Variants in CKMT2 observed in about 807,000 individuals in gnomAD.
CKMT2 encodes creatine kinase S-type, mitochondrial.
CKMT2 carries 43 observed loss-of-function variants against 48.9 expected under a neutral mutation model. The observed-to-expected ratio is 0.88, with a 90% CI of 0.69 to 1.13. The LOEUF (loss-of-function observed/expected upper bound fraction) is 1.13, where lower values mean the gene tolerates loss of function less well. CKMT2 is among the 50% of genes most tolerant of loss of function. The pLI, the probability that CKMT2 is intolerant of heterozygous loss-of-function variation, is 0.00. For synonymous variants in CKMT2, 206 were observed against 213.0 expected, an observed-to-expected ratio of 0.97 and a Z score of 0.29; for missense variants, 472 against 555.4, an observed-to-expected ratio of 0.85 and a Z score of 1.51.
rs182375301 is a variant in CKMT2 at position 81,254,229 on chromosome 5, A to G, written c.352-167A>G. On this transcript the variant is annotated intron_variant, in intron 3 of 9. Coordinates refer to ENST00000254035, the MANE Select transcript of CKMT2 (RefSeq NM_001099735.2). ...TCTTGTTGTTGTTGTTGTTGTTGTT[A>G]TTAACCAATCCATTCTCACATCCAT... Among the ~76,000 whole-genome samples the G allele has an allele frequency of 1.1e-4, 16 of 151,984 alleles. No individual in the cohort carries two copies. In the East Asian group the frequency reaches 1.2e-3, roughly 11 times the overall value.
chr5:81,249,197 G>A (rs754945510), intron 1 of CKMT2, among the ~76,000 whole-genome samples: 37 of 151,944 alleles, frequency 2.4e-4, no homozygotes, highest in Non-Finnish European at 4.7e-4. Flanking sequence ...TACACTACAG[G>A]TGCATGCCAC....
intron 8 of CKMT2, among the ~76,000 whole-genome samples, chr5:81,261,132 T>C (rs1414023886): frequency 6.6e-6 from 1 of 152,312 alleles, no homozygotes; most frequent in South Asian, 2.1e-4. Flanking sequence ...ATTATCTCAA[T>C]AGATGCAGAA....
chr5:81,248,199 A>T (rs1456921994), intron 1 of CKMT2, among the ~76,000 whole-genome samples: 1 of 152,220 alleles, frequency 6.6e-6, no homozygotes, highest in Non-Finnish European at 1.5e-5. Flanking sequence ...ATCAGTGCAT[A>T]GGCAATTTAA....
intron 3 of CKMT2, 48 bp downstream of exon 3, chr5:81,252,941 A>G: frequency 6.3e-7 from 1 of 1,596,210 alleles, no homozygotes; most frequent in Non-Finnish European, 8.6e-7. Context: ...TGCTCTGGAT[A>G]TGACTGACTT....
chr5:81,266,104 T>A lies in CKMT2; in HGVS notation c.1141-35T>A, dbSNP rs367898473. ...AATCAATGCCCTGCAGATGCTTCTA[T>A]TCAAATTAATCATTCATCTTCTTCA... is the stretch of plus-strand genomic sequence containing the variant. On this transcript the variant is annotated intron_variant, in intron 9 of 9. Coordinates refer to ENST00000254035, the MANE Select transcript of CKMT2 (RefSeq NM_001099735.2). The A allele has an allele frequency of 1.9e-6, 3 of 1,605,914 alleles. No individual in the cohort carries two copies. The East Asian group carries it at 6.7e-5, about 36-fold the overall frequency.
At chr5:81,252,987 C>A in intron 3 of CKMT2, 94 bp downstream of exon 3, 3 of 1,337,346 alleles carry the variant, frequency 2.2e-6, no homozygotes, top group Non-Finnish European at 3.2e-6. Context: ...TCTATGGGGC[C>A]AACTTTCTGC....
intron 1 of CKMT2, among the ~76,000 whole-genome samples, chr5:81,237,178 A>C (rs1217220458): frequency 6.6e-6 from 1 of 152,206 alleles, no homozygotes. Context: ...AATGCGAAAA[A>C]TGTAAGTTAA....
chr5:81,254,908 G>A, intron 4 of CKMT2, 85 bp from the exon 5 acceptor site: 1 of 1,113,980 alleles, frequency 9.0e-7, no homozygotes, highest in Non-Finnish European at 1.4e-6. Context: ...CAGGGAAACT[G>A]CAGATTGGCG....
At chr5:81,245,916 A>G (rs1756593465) in intron 1 of CKMT2, among the ~76,000 whole-genome samples, 1 of 152,140 alleles carries the variant, frequency 6.6e-6, no homozygotes, top group South Asian at 2.1e-4. Flanking sequence ...CCAACTGTAG[A>G]CCAGAAATCT....
chr5:81,252,235 A>G (rs2112805143), intron 2 of CKMT2: 1 of 182,920 alleles, frequency 5.5e-6, no homozygotes, highest in East Asian at 1.6e-4. Flanking sequence ...AGAGACAAGG[A>G]AAACCACTGA....
At chr5:81,240,368 G>A (rs1320563143) in intron 1 of CKMT2, among the ~76,000 whole-genome samples, 2 of 152,238 alleles carry the variant, frequency 1.3e-5, no homozygotes, top group African/African-American at 4.8e-5. Context: ...GGAACTCTCT[G>A]GCAGCTCCAT....
At chr5:81,251,379 A>G (rs902027598) in intron 2 of CKMT2, 95 bp downstream of exon 2, 71 of 1,317,594 alleles carry the variant, frequency 5.4e-5, no homozygotes, top group Admixed American at 2.5e-4. Flanking sequence ...CGAGGTCAAG[A>G]GATCGAGACC....
intron 4 of CKMT2, 126 bp downstream of exon 4, chr5:81,254,617 G>GGCAGT: frequency 1.3e-6 from 1 of 771,452 alleles, no homozygotes; most frequent in Non-Finnish European, 2.2e-6. Context: ...GACTGCCCTG[G>GGCAGT]CACAGCCTTC....
In CKMT2 at chr5:81,261,841, C is replaced by T. The variant is rs574472886; in HGVS notation, c.1015-1650C>T. On this transcript the variant is annotated intron_variant, in intron 8 of 9. Coordinates refer to ENST00000254035, the MANE Select transcript of CKMT2 (RefSeq NM_001099735.2). ...GACTTCACAGAATTAGAAAAAACTA[C>T]TTTAAATTTCATATGGAACCAAAAA... Among the ~76,000 whole-genome samples, 7 of 152,292 alleles carry T rather than the reference C, an allele frequency of 4.6e-5. No individual in the cohort carries two copies. The East Asian group carries it at 1.2e-3, about 25-fold the overall frequency.
intron 1 of CKMT2, chr5:81,250,882 TA>T (rs1756780779): frequency 3.3e-6 from 1 of 305,806 alleles, no homozygotes; most frequent in Non-Finnish European, 6.1e-6. Flanking sequence ...ACATTATGTC[TA>T]AAACTACCCA....
At chr5:81,251,425 A>C in intron 2 of CKMT2, 141 bp downstream of exon 2, 1 of 768,526 alleles carries the variant, frequency 1.3e-6, no homozygotes, top group Non-Finnish European at 2.0e-6. Flanking sequence ...ATCTCTACTA[A>C]AAATACAAAA....
chr5:81,248,164 A>G (rs749971225), intron 1 of CKMT2, among the ~76,000 whole-genome samples: 1 of 152,190 alleles, frequency 6.6e-6, no homozygotes, highest in African/African-American at 2.4e-5. Flanking sequence ...AAGATTTATC[A>G]TCTCAGACAC....
At chr5:81,235,281 G>A (rs1358738599) in intron 1 of CKMT2, among the ~76,000 whole-genome samples, 2 of 152,208 alleles carry the variant, frequency 1.3e-5, no homozygotes, top group African/African-American at 4.8e-5. Context: ...TGCGTACTAA[G>A]TGGTTTTGAG....
Position 81,256,958 on chromosome 5 carries a change from G to T in CKMT2, c.713G>T (p.Cys238Phe). ...AAGCCAGTGTCCCCTTTATTAACAT[G>T]TGCTGGGATGGCCCGTGACTGGCCA... ...FDKPVSPLLTCAGMARDWPDA... is the reference protein window; with the variant it reads ...FDKPVSPLLTFAGMARDWPDA... The change falls in exon 6 of 10, where the codon TGT becomes TTT. Residue 238 changes from cysteine to phenylalanine, a missense_variant. By Grantham distance (205) the Cys-to-Phe change is radical. Transcript: ENST00000254035. The T allele has an allele frequency of 1.2e-6, 2 of 1,614,128 alleles. No individual in the cohort carries two copies.
Sources: allele counts gnomAD v4.1 joint callset (sites outside exome capture counted in the v4.1 genomes callset), GRCh38; gene constraint gnomAD v4.1.1; transcripts MANE v1.5; gene names NCBI Gene and HGNC (gene_info 2026-07-23, HGNC 2026-07-21).